The following NEBL variants were observed in gnomAD, a reference collection of about 807,000 sequenced individuals.
NEBL encodes the protein LIM and SH3 protein 2.
NEBL carries 122 observed loss-of-function variants against 140.2 expected under a neutral mutation model. The observed-to-expected ratio is 0.87, with a 90% CI of 0.75 to 1.01. The LOEUF (loss-of-function observed/expected upper bound fraction) is 1.01. Ranked by LOEUF, NEBL falls within the 50% of genes least tolerant of loss-of-function variation. NEBL has a pLI of 0.00. For missense variants in NEBL, 1,365 were observed against 1,231.3 expected (o/e 1.11, Z -1.62); for synonymous variants, 436 against 398.9 (o/e 1.09, Z -1.11).
At chr10:21,279,288 A>C (rs1458158283) in intron 1 of NEBL, among the ~76,000 whole-genome samples, 1 of 77,876 alleles carries the variant, frequency 1.3e-5, no homozygotes, top group Non-Finnish European at 2.1e-5. Context: ...TTATTTTTTC[A>C]ATTTTTTTTT....
chr10:21,233,849 CATATATAG>C (rs1564547096), intron 3 of NEBL, among the ~76,000 whole-genome samples: 5 of 103,584 alleles, frequency 4.8e-5, no homozygotes. Context: ...ATATATATTA[CATATATAG>C]ATATATATTA....
chr10:20,965,611 T>A (rs1836274083), intron 3 of NEBL, among the ~76,000 whole-genome samples: 1 of 152,202 alleles, frequency 6.6e-6, no homozygotes, highest in African/African-American at 2.4e-5. Flanking sequence ...TGTTGGCTTT[T>A]CTTCCCTGTG....
At chr10:20,793,559 T>G (rs1268458680) in intron 26 of NEBL, among the ~76,000 whole-genome samples, 1 of 137,408 alleles carries the variant, frequency 7.3e-6, no homozygotes, top group Admixed American at 7.1e-5. Flanking sequence ...TTTCTTTTCT[T>G]TTTTTTTTTT....
intron 2 of NEBL, among the ~76,000 whole-genome samples, chr10:21,052,688 C>G (rs546502992): frequency 1.3e-5 from 2 of 152,126 alleles, no homozygotes; most frequent in African/African-American, 2.4e-5. Context: ...GTGAAATCAC[C>G]AACACTCAGG....
intron 4 of NEBL, among the ~76,000 whole-genome samples, chr10:20,936,330 A>T (rs1834482484): frequency 6.6e-6 from 1 of 152,080 alleles, no homozygotes; most frequent in Non-Finnish European, 1.5e-5. Context: ...AAGGGGCAAT[A>T]AAAAAAAGAT....
At chr10:20,839,376 T>A (rs1196384923) in intron 13 of NEBL, among the ~76,000 whole-genome samples, 2 of 152,154 alleles carry the variant, frequency 1.3e-5, no homozygotes, top group African/African-American at 4.8e-5. Context: ...GATGACAATG[T>A]TAGCCACAGA....
chr10:21,284,602 G>A (rs1190277492), intron 1 of NEBL, among the ~76,000 whole-genome samples: 1 of 152,058 alleles, frequency 6.6e-6, no homozygotes, highest in Non-Finnish European at 1.5e-5. Flanking sequence ...AATATGGATA[G>A]CACACATAAA....
rs1840504924 is a variant in NEBL at position 21,160,301 on chromosome 10, C to T, written c.164+12082G>A. Among the ~76,000 whole-genome samples the T allele has an allele frequency of 2.0e-5, 3 of 152,146 alleles. No individual in the cohort carries two copies. The South Asian group carries it at 6.2e-4, about 32-fold the overall frequency. ...CAAATCTTGAGTGCTTTTTACGGGCCACTCAGCCCTGCAGGTATATATGAC... is the reference window on the plus strand; with the variant it reads ...CAAATCTTGAGTGCTTTTTACGGGCTACTCAGCCCTGCAGGTATATATGAC... On this transcript the variant is annotated intron_variant, in intron 2 of 6. Coordinates refer to the NEBL transcript ENST00000417816.
chr10:21,124,497 A>G (rs1318636640), intron 2 of NEBL, among the ~76,000 whole-genome samples: 4 of 152,198 alleles, frequency 2.6e-5, no homozygotes, highest in Non-Finnish European at 5.9e-5. Flanking sequence ...TAAAGACCCT[A>G]ATGCAATGAA....
At chr10:21,229,928 C>A (rs1046799758) in intron 3 of NEBL, among the ~76,000 whole-genome samples, 1 of 152,214 alleles carries the variant, frequency 6.6e-6, no homozygotes, top group Non-Finnish European at 1.5e-5. Context: ...ATGTAACCCA[C>A]GTTGCCTAGC....
At chr10:21,050,964 G>T (rs1375401201) in intron 2 of NEBL, among the ~76,000 whole-genome samples, 4 of 152,100 alleles carry the variant, frequency 2.6e-5, no homozygotes, top group African/African-American at 9.7e-5. Flanking sequence ...TATTGACTTT[G>T]CACCTAGATT....
chr10:20,986,243 A>C (rs1288107954), intron 3 of NEBL, among the ~76,000 whole-genome samples: 1 of 152,214 alleles, frequency 6.6e-6, no homozygotes, highest in African/African-American at 2.4e-5. Flanking sequence ...AAAGCAACCC[A>C]ACAGTTCAAA....
intron 2 of NEBL, chr10:21,110,671 GC>G: frequency 2.2e-6 from 1 of 452,232 alleles, no homozygotes; most frequent in Non-Finnish European, 4.3e-6. Context: ...CTAAGCATAT[GC>G]CACCACCCCA....
Position 21,192,481 on chromosome 10 carries a change from C to T in NEBL, n.349-20004G>A, listed in dbSNP as rs1035949179. Among the ~76,000 whole-genome samples the T allele has an allele frequency of 9.3e-5, 14 of 151,120 alleles. 1 individual carries two copies. Among genetic ancestry groups the T allele is most frequent in the Non-Finnish European group, 1.6e-4 (11 of 67,820 alleles). On this transcript the variant is annotated intron_variant and non_coding_transcript_variant, in intron 3 of 8. Coordinates refer to the NEBL transcript ENST00000675702. ...TGCTGGGATTACAGGTGTGAGCCAC[C>T]GCGCCCGGCCAATAGACATTTTTTT... is the stretch of plus-strand genomic sequence containing the variant.
At chr10:21,096,788 A>G (rs977482637) in intron 2 of NEBL, among the ~76,000 whole-genome samples, 2 of 152,118 alleles carry the variant, frequency 1.3e-5, no homozygotes, top group African/African-American at 4.8e-5. Flanking sequence ...GATTACAGGT[A>G]TGAGCCATCA....
chr10:20,993,800 G>A (rs1589117602), intron 3 of NEBL, among the ~76,000 whole-genome samples: 1 of 152,270 alleles, frequency 6.6e-6, no homozygotes, highest in East Asian at 1.9e-4. Flanking sequence ...GGTGACGAAG[G>A]GAAGGAAAAC....
intron 1 of NEBL, among the ~76,000 whole-genome samples, chr10:21,268,315 A>G (rs12354832): frequency 0.3 from 45,409 of 151,738 alleles, 7,081 homozygotes; most frequent in Non-Finnish European, 0.32. Context: ...TCGAAAAATA[A>G]TTTTAAAAAG....
intron 3 of NEBL, among the ~76,000 whole-genome samples, chr10:20,970,826 C>G (rs1836538587): frequency 6.6e-6 from 1 of 152,106 alleles, no homozygotes; most frequent in Non-Finnish European, 1.5e-5. Flanking sequence ...CATCCACCTG[C>G]CCAGCATCTC....
Position 20,897,104 on chromosome 10 carries a change from AGTAT to A in NEBL, c.81+17_81+20del. ...ATTTAGAGGAACAAACGCTGGTCTG[AGTAT>A]GTGTTTTCTCACTCACCTGGTCTTC... On this transcript the variant is annotated intron_variant, in intron 1 of 27. Transcript: ENST00000377122. 2.5e-6 allele frequency: 4 copies of A among 1,588,168 alleles called. No homozygotes were observed. Among genetic ancestry groups the A allele is most frequent in the Middle Eastern group, 1.7e-4 (1 of 6,000 alleles).
Sources: gnomAD v4.1 joint callset for allele counts (sites outside exome capture counted in the v4.1 genomes callset) on GRCh38, gnomAD v4.1.1 for gene constraint, MANE v1.5 for transcripts, NCBI Gene and HGNC (gene_info 2026-07-23, HGNC 2026-07-21) for gene names.